RTN4R: variants seen among roughly 807,000 people sequenced by gnomAD.
RTN4R encodes reticulon-4 receptor.
In RTN4R, 4 loss-of-function variants were observed where a neutral mutation model predicts 27.7. The observed-to-expected ratio is 0.14, with a 90% CI of 0.07 to 0.33. The LOEUF (loss-of-function observed/expected upper bound fraction) is 0.33. RTN4R is among the 10% of genes least tolerant of loss of function. The pLI is 1.00. For missense variants in RTN4R, 554 were observed against 671.5 expected, an observed-to-expected ratio of 0.83 and a Z score of 1.93; for synonymous variants, 290 against 305.6, an observed-to-expected ratio of 0.95 and a Z score of 0.53.
chr22:20,241,666 G>A lies in RTN4R; in HGVS notation c.*45C>T, dbSNP rs1019426134. 3.3e-5 allele frequency: 51 copies of A among 1,545,432 alleles called. No individual in the cohort carries two copies. Among genetic ancestry groups the A allele is most frequent in the Non-Finnish European group, 4.5e-5 (51 of 1,144,466 alleles). On this transcript the variant is annotated 3_prime_UTR_variant, in exon 2 of 2. Transcript: ENST00000043402. ...GGCGGCGTGGAGAGAGACCCCGTAT[G>A]TACACACACCTGGCTGCTGAGCACG... is the stretch of plus-strand genomic sequence containing the variant.
chr22:20,243,168 G>A (rs1266402723), intron 1 of RTN4R, 58 bp from the exon 2 acceptor site: 1 of 1,550,500 alleles, frequency 6.4e-7, no homozygotes, highest in Non-Finnish European at 8.7e-7. Flanking sequence ...AGAAGCTGGA[G>A]GTTTTGCTAG....
intron 1 of RTN4R, among the ~76,000 whole-genome samples, chr22:20,247,990 G>T (rs2051151814): frequency 6.6e-6 from 1 of 152,230 alleles, no homozygotes; most frequent in Non-Finnish European, 1.5e-5. Context: ...GTGATGCTGG[G>T]CTCACCAGAG....
At chr22:20,256,901 C>T (rs2051215094) in intron 1 of RTN4R, among the ~76,000 whole-genome samples, 1 of 152,224 alleles carries the variant, frequency 6.6e-6, no homozygotes. Context: ...GTCTCCTTGA[C>T]ACCCCTCCAC....
At chr22:20,250,754 CAAATATG>C (rs1254280440) in intron 1 of RTN4R, among the ~76,000 whole-genome samples, 2 of 152,112 alleles carry the variant, frequency 1.3e-5, no homozygotes, top group Non-Finnish European at 2.9e-5. Flanking sequence ...GTCTCACAGT[CAAATATG>C]CATAAAATAG....
chr22:20,253,919 CAAAT>C (rs1214522099), intron 1 of RTN4R, among the ~76,000 whole-genome samples: 6 of 151,912 alleles, frequency 3.9e-5, no homozygotes, highest in African/African-American at 1.2e-4. Flanking sequence ...AGGAGAAAGA[CAAAT>C]GAATGAGATT....
Position 20,268,296 on chromosome 22 carries a change from C to G in RTN4R, c.-204G>C, listed in dbSNP as rs2051292601. ...CGCAGGGCGCGCAGGGCGCACAGGGCGAGGGCGGCGGCGGCGCGGGGGTTG... is the reference window on the plus strand; with the variant it reads ...CGCAGGGCGCGCAGGGCGCACAGGGGGAGGGCGGCGGCGGCGCGGGGGTTG... On this transcript the variant is annotated 5_prime_UTR_variant, in exon 1 of 2. Transcript: ENST00000043402. The G allele has an allele frequency of 9.3e-4, 1 of 1,070 alleles. No individual in the cohort carries two copies. Among genetic ancestry groups the G allele is most frequent in the African/African-American group, 4.7e-3 (1 of 212 alleles). The allele number at this position is 1,070 out of a possible 1,614,324, so 0.1% of individuals were successfully genotyped here.
At chr22:20,266,406 A>C (rs1453644524) in intron 1 of RTN4R, among the ~76,000 whole-genome samples, 1 of 152,134 alleles carries the variant, frequency 6.6e-6, no homozygotes, top group Non-Finnish European at 1.5e-5. Flanking sequence ...CACCCTACAC[A>C]ACACCGGAGG....
chr22:20,242,649 G>C lies in RTN4R; in HGVS notation c.484C>G (p.Gln162Glu), dbSNP rs1489136274. ...GGCAGTGCCTGCAGCGCGTTGTCCT[G>C]CAGGTAGAGGTACTGCAGGGCAGCC... ...GLAALQYLYL[Q>E]DNALQALPDD... The change falls in exon 2 of 2, where the codon CAG becomes GAG. Residue 162 changes from glutamine to glutamate, a missense_variant. Coordinates refer to ENST00000043402, the MANE Select transcript of RTN4R (RefSeq NM_023004.6). The C allele has an allele frequency of 6.2e-7, 1 of 1,612,466 alleles. No individual in the cohort carries two copies. Among genetic ancestry groups the C allele is most frequent in the East Asian group, 2.2e-5 (1 of 44,822 alleles).
In RTN4R at chr22:20,266,994, C is replaced by T. The variant is rs531565313; in HGVS notation, c.22+1077G>A. On this transcript the variant is annotated intron_variant, in intron 1 of 1. Transcript: ENST00000043402. ...GGGCCTGGCCTCCCCACTCAACAGA[C>T]GAGCATGTGGGTGCGGGAGTGGTTA... Among the ~76,000 whole-genome samples the T allele has an allele frequency of 6.6e-5, 10 of 152,376 alleles. No homozygotes were observed. The South Asian group carries it at 1.7e-3, about 25-fold the overall frequency.
chr22:20,252,077 T>C (rs796212107), intron 1 of RTN4R, among the ~76,000 whole-genome samples: 1 of 25,612 alleles, frequency 3.9e-5, no homozygotes, highest in Admixed American at 3.7e-4. Flanking sequence ...ATCACCATCC[T>C]CATCATCACC....
chr22:20,257,095 C>T (rs1197350321), intron 1 of RTN4R, among the ~76,000 whole-genome samples: 3 of 152,234 alleles, frequency 2.0e-5, no homozygotes. Context: ...ATGCTCACCA[C>T]TAAGGGCAAG....
chr22:20,267,097 G>A (rs2051282121), intron 1 of RTN4R, among the ~76,000 whole-genome samples: 1 of 152,268 alleles, frequency 6.6e-6, no homozygotes, highest in Non-Finnish European at 1.5e-5. Flanking sequence ...GTGGCCGTGG[G>A]TGTGCAGGCG....
chr22:20,247,343 C>T (rs2145975040), intron 1 of RTN4R, among the ~76,000 whole-genome samples: 1 of 152,230 alleles, frequency 6.6e-6, no homozygotes. Context: ...GGCCACAGCT[C>T]AGTGCACCAA....
chr22:20,249,360 C>A, intron 1 of RTN4R: 1 of 416,316 alleles, frequency 2.4e-6, no homozygotes, highest in Non-Finnish European at 5.0e-6. Context: ...CCCTGCAGGG[C>A]CCACATCCAC....
intron 1 of RTN4R, among the ~76,000 whole-genome samples, chr22:20,251,394 C>T (rs902416764): frequency 9.2e-5 from 14 of 152,008 alleles, no homozygotes; most frequent in African/African-American, 2.9e-4. Context: ...CCACCCTCCA[C>T]GGCCTCAGGC....
intron 1 of RTN4R, among the ~76,000 whole-genome samples, chr22:20,260,887 G>C (rs2051242416): frequency 6.6e-6 from 1 of 152,070 alleles, no homozygotes; most frequent in Admixed American, 6.5e-5. Context: ...TCCTCACTGA[G>C]AACTAGGGAC....
intron 1 of RTN4R, among the ~76,000 whole-genome samples, chr22:20,248,197 A>C (rs1221441405): frequency 6.6e-6 from 1 of 152,264 alleles, no homozygotes; most frequent in Non-Finnish European, 1.5e-5. Flanking sequence ...TACAAGAAAC[A>C]TGCCTAAAAG....
Position 20,268,259 on chromosome 22 carries a change from G to A in RTN4R, c.-167C>T. The A allele has an allele frequency of 3.0e-5, 1 of 33,682 alleles. No homozygotes were observed. Among genetic ancestry groups the A allele is most frequent in the Non-Finnish European group, 4.2e-5 (1 of 23,566 alleles). 2.1% of individuals were successfully genotyped at this position (33,682 alleles called of 1,614,324 possible). A position where few individuals can be genotyped will look rare whatever the true frequency, so the allele number is the denominator to read the frequency against. On this transcript the variant is annotated 5_prime_UTR_variant, in exon 1 of 2. Transcript: ENST00000043402. ...GCTCCGCCCGGCTCTGGCTGGGCTC[G>A]GGCCGCGGGTGCGCAGGGCGCGCAG... is the stretch of plus-strand genomic sequence containing the variant.
rs761636133 is a variant in RTN4R, at chr22:20,241,957, C to T, written c.1176G>A (p.Glu392=). 1 of 1,609,126 alleles carries T rather than the reference C, an allele frequency of 6.2e-7. No homozygotes were observed. Among genetic ancestry groups the T allele is most frequent in the South Asian group, 1.1e-5 (1 of 91,062 alleles). ...CGGGCCGCACTGCAGTGAGCGGGGG[C>T]TCAGCAGAGCCAGGCAGAGTCCCAA... ...SPFGTLPGSA[E]PPLTAVRPEG... Residue 392 remains glutamate, a synonymous_variant, in exon 2 of 2, where the codon GAG becomes GAA. Transcript: ENST00000043402.
Sources: gnomAD v4.1 joint callset for allele counts (sites outside exome capture counted in the v4.1 genomes callset) on GRCh38, gnomAD v4.1.1 for gene constraint, MANE v1.5 for transcripts, NCBI Gene and HGNC (gene_info 2026-07-23, HGNC 2026-07-21) for gene names.